The following MAMLD1 variants were observed in gnomAD, a reference collection of about 807,000 sequenced individuals.
MAMLD1 encodes the protein mastermind-like domain-containing protein 1.
Under a neutral mutation model 45.0 loss-of-function variants are expected in MAMLD1, and 14 were observed. That is an observed-to-expected ratio of 0.31 (90% CI 0.21 to 0.49). The LOEUF (loss-of-function observed/expected upper bound fraction) is 0.49, where lower values mean the gene tolerates loss of function less well. Among genes scored for constraint, MAMLD1 ranks in the 20% least tolerant of loss-of-function variants. The pLI is 0.99. For missense variants in MAMLD1, 543 were observed against 603.6 expected, an observed-to-expected ratio of 0.90 and a Z score of 1.05; for synonymous variants, 254 against 247.8, an observed-to-expected ratio of 1.02 and a Z score of -0.24.
chrX:150,400,413 T>C (rs1401991259), intron 1 of MAMLD1, among the ~76,000 whole-genome samples: 3 of 111,757 alleles, frequency 2.7e-5, no homozygotes, highest in African/African-American at 9.8e-5. Flanking sequence ...ACAGGGACAA[T>C]TTGACTTCCT....
At chrX:150,372,737 G>A (rs374546452) in intron 1 of MAMLD1, among the ~76,000 whole-genome samples, 1 of 110,415 alleles carries the variant, frequency 9.1e-6, no homozygotes, top group East Asian at 2.8e-4. Flanking sequence ...GCTGACATTC[G>A]AGCTAAAGTG....
chrX:150,367,355 G>C (rs1557400795), intron 1 of MAMLD1, among the ~76,000 whole-genome samples: 1 of 111,426 alleles, frequency 9.0e-6, no homozygotes. Flanking sequence ...GATTTTTTTA[G>C]CTTAGCCAGC....
chrX:150,398,334 AGAAGAAGAGGAAGAGGAAGAG>A (rs2033584917), intron 1 of MAMLD1, among the ~76,000 whole-genome samples: 2 of 74,432 alleles, frequency 2.7e-5, no homozygotes, highest in African/African-American at 1.0e-4. Context: ...AAGAAGAAGA[AGAAGAAGAGGAAGAGGAAGAG>A]GAAGAGGAAG....
chrX:150,455,990 G>A (rs1279330347), intron 2 of MAMLD1, among the ~76,000 whole-genome samples: 1 of 110,769 alleles, frequency 9.0e-6, no homozygotes, highest in Non-Finnish European at 1.9e-5. Flanking sequence ...ACTGCTATCT[G>A]GCACTATCCT....
chrX:150,496,048 G>T (rs2037366412), intron 5 of MAMLD1, among the ~76,000 whole-genome samples: 1 of 112,671 alleles, frequency 8.9e-6, no homozygotes, highest in African/African-American at 3.2e-5. Context: ...ACTCTGGGAG[G>T]AAGAGAATTT....
chrX:150,469,783 G>T lies in MAMLD1; in HGVS notation c.210G>T (p.Gln70His), dbSNP rs1557406213. The change falls in exon 4 of 8, where the codon CAG (glutamine) becomes CAT (histidine). Residue 70 changes from glutamine to histidine, a missense_variant. Gln to His is a conservative substitution (Grantham distance 24). Transcript: ENST00000370401. The part of the protein sequence containing the change: ...VKRRQEEDHF[Q>H]FPDMADGGYP... ...GGAGACAAGAAGAAGACCACTTCCA[G>T]TTTCCAGACATGGCTGATGGGGGCT... is the stretch of plus-strand genomic sequence containing the variant. 3 of 1,210,936 alleles carry T rather than the reference G, an allele frequency of 2.5e-6. No homozygotes were observed. The highest frequency in any genetic ancestry group is 2.2e-5 in the Admixed American group (1 of 45,962).
At chrX:150,503,841 C>T (rs1365628780) in intron 6 of MAMLD1, among the ~76,000 whole-genome samples, 2 of 112,286 alleles carry the variant, frequency 1.8e-5, no homozygotes, top group Non-Finnish European at 3.8e-5. Context: ...CTTCCAGTAC[C>T]CCGTTTCCAT....
chrX:150,381,104 C>T (rs2032586569), intron 1 of MAMLD1, among the ~76,000 whole-genome samples: 1 of 111,767 alleles, frequency 8.9e-6, no homozygotes, highest in East Asian at 2.8e-4. Context: ...TATATTCAGT[C>T]TCCACATATA....
chrX:150,465,634 G>A (rs1009065955), intron 3 of MAMLD1, among the ~76,000 whole-genome samples: 9 of 112,347 alleles, frequency 8.0e-5, no homozygotes, highest in East Asian at 2.8e-4. Context: ...ACCAAAGGCC[G>A]GGCCTGTGAG....
At chrX:150,494,731 T>C (rs1187876156) in intron 5 of MAMLD1, among the ~76,000 whole-genome samples, 1 of 108,876 alleles carries the variant, frequency 9.2e-6, no homozygotes, top group Non-Finnish European at 1.9e-5. Context: ...AACGCAAAAA[T>C]TAGCTGGGAG....
intron 3 of MAMLD1, 25 bp downstream of exon 3, chrX:150,462,871 G>T (rs782128036): frequency 8.7e-7 from 1 of 1,152,408 alleles, no homozygotes; most frequent in Admixed American, 2.2e-5. Context: ...ACCAAAGCTG[G>T]GACCCATTCA....
At chrX:150,364,606 T>C (rs1415199203) in intron 1 of MAMLD1, among the ~76,000 whole-genome samples, 1 of 111,733 alleles carries the variant, frequency 8.9e-6, no homozygotes, top group Non-Finnish European at 1.9e-5. Flanking sequence ...GGGTGGCTTG[T>C]CGTTGTTGTT....
In MAMLD1 at chrX:150,487,543, T is replaced by C. The variant is rs180695766; in HGVS notation, c.2040+13741T>C. Among the ~76,000 whole-genome samples, 5 of 112,196 alleles carry C rather than the reference T, an allele frequency of 4.5e-5. No individual in the cohort carries two copies. In the East Asian group the frequency reaches 1.4e-3, roughly 31 times the overall value. ...AAGGACATCCAACATTTTGCAAGCA[T>C]TCTCCCTATGTGACCCGGGTATTCA... is the stretch of plus-strand genomic sequence containing the variant. On this transcript the variant is annotated intron_variant, in intron 5 of 7. Coordinates refer to ENST00000370401, the MANE Select transcript of MAMLD1 (RefSeq NM_005491.5).
intron 1 of MAMLD1, among the ~76,000 whole-genome samples, chrX:150,386,179 C>G (rs1315714082): frequency 9.0e-6 from 1 of 111,127 alleles, no homozygotes; most frequent in Non-Finnish European, 1.9e-5. Flanking sequence ...TAAAGTCATG[C>G]ACAACATCTG....
chrX:150,486,381 C>T (rs782196332), intron 5 of MAMLD1, among the ~76,000 whole-genome samples: 6 of 111,844 alleles, frequency 5.4e-5, no homozygotes, highest in East Asian at 2.8e-4. Context: ...ATGGATCCAA[C>T]GCCTACTAGC....
chrX:150,416,891 C>T (rs1490234606), intron 1 of MAMLD1, among the ~76,000 whole-genome samples: 4 of 112,230 alleles, frequency 3.6e-5, no homozygotes, highest in Non-Finnish European at 7.5e-5. Flanking sequence ...CGCAACACTA[C>T]GGTTTTTTTC....
chrX:150,511,105 C>T (rs782114091), intron 7 of MAMLD1, among the ~76,000 whole-genome samples: 11 of 112,206 alleles, frequency 9.8e-5, no homozygotes, highest in Non-Finnish European at 1.7e-4. Flanking sequence ...TTGGGTGGGT[C>T]AGACACACTG....
At position 150,513,461 on chromosome X, in the gene MAMLD1, A is replaced by G. The variant is rs960987160; in HGVS notation, c.*1502A>G. The G allele has an allele frequency of 3.8e-6, 1 of 260,879 alleles. No individual in the cohort carries two copies. Among genetic ancestry groups the G allele is most frequent in the Non-Finnish European group, 6.7e-6 (1 of 148,258 alleles). 21.5% of individuals were successfully genotyped at this position (260,879 alleles called of 1,213,427 possible). A position where few individuals can be genotyped will look rare whatever the true frequency, so the allele number is the denominator to read the frequency against. ...GTTAAGCTAGGTGGCTGAGTCGCTT[A>G]TGGTTTTAATGCAATGAGCAATGTG... On this transcript the variant is annotated 3_prime_UTR_variant, in exon 8 of 8. Coordinates refer to ENST00000370401, the MANE Select transcript of MAMLD1 (RefSeq NM_005491.5).
rs1557408677 is a variant in MAMLD1 at position 150,503,566 on chromosome X, A to G, written c.2284+49A>G. ...CGCTTTCCTCATCTGTCAACGGGGC[A>G]CAGTCCCCTGCTCAGCCTGCCCGCC... On this transcript the variant is annotated intron_variant, in intron 6 of 7. Coordinates refer to ENST00000370401, the MANE Select transcript of MAMLD1 (RefSeq NM_005491.5). 5.1e-6 allele frequency: 4 copies of G among 779,451 alleles called. No individual in the cohort carries two copies. In the South Asian group the frequency reaches 8.8e-5, roughly 17 times the overall value. The allele number at this position is 779,451 out of a possible 1,213,427, so 64.2% of individuals were successfully genotyped here.
Sources: gnomAD v4.1 joint callset for allele counts (sites outside exome capture counted in the v4.1 genomes callset) on GRCh38, gnomAD v4.1.1 for gene constraint, MANE v1.5 for transcripts, NCBI Gene and HGNC (gene_info 2026-07-23, HGNC 2026-07-21) for gene names.